The following DOCK3 variants were observed in gnomAD, a reference collection of about 807,000 sequenced individuals.
DOCK3 encodes dedicator of cytokinesis protein 3.
Under a neutral mutation model 265.6 loss-of-function variants are expected in DOCK3, and 60 were observed. That is an observed-to-expected ratio of 0.23 (90% CI 0.18 to 0.28). DOCK3 has a LOEUF of 0.28. Ranked by LOEUF, DOCK3 falls within the 10% of genes least tolerant of loss-of-function variation. The pLI, the probability that DOCK3 is intolerant of heterozygous loss-of-function variation, is 1.00. For synonymous variants in DOCK3, 881 were observed against 938.0 expected, an observed-to-expected ratio of 0.94 and a Z score of 1.11; for missense variants, 1,981 against 2,594.3, an observed-to-expected ratio of 0.76 and a Z score of 5.14.
chr3:51,111,305 G>A (rs1560076690), intron 9 of DOCK3, among the ~76,000 whole-genome samples: 1 of 152,188 alleles, frequency 6.6e-6, no homozygotes, highest in East Asian at 1.9e-4. Context: ...CTACTTTGTT[G>A]TTTTAAATAC....
At chr3:50,748,764 G>A (rs2039608417) in intron 1 of DOCK3, among the ~76,000 whole-genome samples, 1 of 152,066 alleles carries the variant, frequency 6.6e-6, no homozygotes, top group Non-Finnish European at 1.5e-5. Context: ...CCAGTAGTAG[G>A]TTACCTTGAA....
chr3:50,766,792 T>C (rs373336742), intron 1 of DOCK3, among the ~76,000 whole-genome samples: 7 of 152,176 alleles, frequency 4.6e-5, no homozygotes, highest in Non-Finnish European at 1.0e-4. Context: ...CTGTTGTTTC[T>C]TGACTTTTTA....
chr3:50,734,695 T>C (rs993800031), intron 1 of DOCK3, among the ~76,000 whole-genome samples: 8 of 134,446 alleles, frequency 6.0e-5, no homozygotes, highest in Non-Finnish European at 7.7e-5. Flanking sequence ...CTCCGCCTCC[T>C]GGGTTCATGC....
At chr3:50,978,853 C>G (rs916112710) in intron 5 of DOCK3, among the ~76,000 whole-genome samples, 2 of 152,168 alleles carry the variant, frequency 1.3e-5, no homozygotes, top group African/African-American at 2.4e-5. Flanking sequence ...TGTGGTGTGC[C>G]GTTTTTTAAG....
At chr3:50,901,517 T>A (rs560816217) in intron 4 of DOCK3, 5 of 399,944 alleles carry the variant, frequency 1.3e-5, no homozygotes, top group Non-Finnish European at 2.5e-5. Flanking sequence ...ACCACCGGAG[T>A]GTGAAAAAAT....
At chr3:50,710,831 G>A (rs903472033) in intron 1 of DOCK3, among the ~76,000 whole-genome samples, 2 of 152,152 alleles carry the variant, frequency 1.3e-5, no homozygotes, top group Non-Finnish European at 2.9e-5. Flanking sequence ...GCCATAAAAA[G>A]GAACAAAATA....
At chr3:50,677,051 G>A (rs2034020859) in intron 1 of DOCK3, among the ~76,000 whole-genome samples, 1 of 152,198 alleles carries the variant, frequency 6.6e-6, no homozygotes, top group Admixed American at 6.5e-5. Context: ...AAGATGCAAC[G>A]AAATTCTTGC....
intron 2 of DOCK3, among the ~76,000 whole-genome samples, chr3:50,783,551 G>A (rs897809509): frequency 6.6e-6 from 1 of 151,988 alleles, no homozygotes. Context: ...GTGATTATTT[G>A]TTTTTCTCTT....
Position 51,341,167 on chromosome 3 carries a change from T to C in DOCK3, c.3767-70T>C, listed in dbSNP as rs1287572778. 2.7e-6 allele frequency: 4 copies of C among 1,495,458 alleles called. No homozygotes were observed. The Admixed American group carries it at 7.2e-5, about 27-fold the overall frequency. 92.6% of individuals were successfully genotyped at this position (1,495,458 alleles called of 1,614,324 possible). A position where few individuals can be genotyped will look rare whatever the true frequency, so the allele number is the denominator to read the frequency against. ...TGGCATTCTGCCCAGCATAGTCCTCTGACACCAGGCTGCTCCTGGGCCTCT... is the reference window on the plus strand; with the variant it reads ...TGGCATTCTGCCCAGCATAGTCCTCCGACACCAGGCTGCTCCTGGGCCTCT... On this transcript the variant is annotated intron_variant, in intron 37 of 52. Transcript: ENST00000266037.
At chr3:50,746,223 C>T (rs1440805405) in intron 1 of DOCK3, among the ~76,000 whole-genome samples, 1 of 151,118 alleles carries the variant, frequency 6.6e-6, no homozygotes, top group Admixed American at 6.6e-5. Context: ...AATTCTGTCT[C>T]AGCTTCCTGA....
At chr3:51,293,017 G>T (rs777377073) in intron 27 of DOCK3, among the ~76,000 whole-genome samples, 4 of 152,124 alleles carry the variant, frequency 2.6e-5, no homozygotes, top group Non-Finnish European at 4.4e-5. Context: ...TTATGGATTG[G>T]AAGGATTAAT....
At chr3:50,927,069 A>G (rs1235751626) in intron 4 of DOCK3, among the ~76,000 whole-genome samples, 1 of 152,214 alleles carries the variant, frequency 6.6e-6, no homozygotes, top group Non-Finnish European at 1.5e-5. Flanking sequence ...ACCTTCAGTG[A>G]CACTGGTTTT....
At chr3:51,366,691 T>C (rs1174486058) in intron 49 of DOCK3, among the ~76,000 whole-genome samples, 2 of 152,216 alleles carry the variant, frequency 1.3e-5, no homozygotes, top group Non-Finnish European at 2.9e-5. Flanking sequence ...ATGTTGTGTC[T>C]TTGTTCTCAT....
intron 3 of DOCK3, among the ~76,000 whole-genome samples, chr3:50,871,708 T>G (rs2047439755): frequency 6.6e-6 from 1 of 152,206 alleles, no homozygotes; most frequent in African/African-American, 2.4e-5. Context: ...TGTTTTTTAT[T>G]CTTTTAACTT....
chr3:50,699,269 T>G (rs1038106934), intron 1 of DOCK3, among the ~76,000 whole-genome samples: 2 of 152,174 alleles, frequency 1.3e-5, no homozygotes, highest in African/African-American at 4.8e-5. Flanking sequence ...GTTTCACTGG[T>G]CTATTTGTCT....
intron 4 of DOCK3, among the ~76,000 whole-genome samples, chr3:50,907,741 G>T (rs368963007): frequency 6.6e-6 from 1 of 151,984 alleles, no homozygotes; most frequent in African/African-American, 2.4e-5. Flanking sequence ...GGAGCATTTA[G>T]CCCATTTACA....
Position 51,312,012 on chromosome 3 carries a change from T to C in DOCK3, c.3026T>C (p.Val1009Ala). 1.2e-6 allele frequency: 2 copies of C among 1,600,722 alleles called. No homozygotes were observed. The highest frequency in any genetic ancestry group is 1.7e-6 in the Non-Finnish European group (2 of 1,172,748). Reference sequence around the variant, plus strand: ...TTGTTTCCTTACTGCAGTATTATAGTCACTACTGTCCAGTACCTGTCCTCT... The same window carrying C: ...TTGTTTCCTTACTGCAGTATTATAGCCACTACTGTCCAGTACCTGTCCTCT... ...VMRLLTSNII[V>A]TTVQYLSSAL... Residue 1009 changes from valine (V) to alanine (A), a missense_variant, in exon 29 of 53, where the codon GTC (valine) becomes GCC (alanine). Coordinates refer to ENST00000266037, the MANE Select transcript of DOCK3 (RefSeq NM_004947.5).
intron 9 of DOCK3, among the ~76,000 whole-genome samples, chr3:51,098,562 G>A (rs1305490573): frequency 3.3e-5 from 5 of 152,216 alleles, no homozygotes; most frequent in Admixed American, 6.5e-5. Flanking sequence ...TGATGGGCGA[G>A]CACTTTTTTA....
intron 6 of DOCK3, among the ~76,000 whole-genome samples, chr3:51,072,872 ATTT>A (rs748566865): frequency 3.6e-5 from 5 of 138,766 alleles, no homozygotes; most frequent in Admixed American, 7.3e-5. Flanking sequence ...AACCTGGCTA[ATTT>A]TTTTTTTTTT....
Sources: allele counts gnomAD v4.1 joint callset (sites outside exome capture counted in the v4.1 genomes callset), GRCh38; gene constraint gnomAD v4.1.1; transcripts MANE v1.5; gene names NCBI Gene and HGNC (gene_info 2026-07-23, HGNC 2026-07-21).